MAGI1: variants seen among roughly 807,000 people sequenced by gnomAD.
MAGI1 encodes the protein membrane associated guanylate kinase, WW and PDZ domain containing 1, also known as membrane-associated guanylate kinase, WW and PDZ domain-containing protein 1.
MAGI1 carries 58 observed loss-of-function variants against 139.9 expected under a neutral mutation model. The ratio of observed to expected loss-of-function variants is 0.41; its 90% CI spans 0.34 to 0.52. MAGI1 has a LOEUF of 0.52. MAGI1 is among the 20% of genes least tolerant of loss of function. The pLI is 0.12. For synonymous variants in MAGI1, 812 were observed against 737.9 expected (o/e 1.10, Z -1.63); for missense variants, 1,874 against 1,901.6 (o/e 0.99, Z 0.27).
chr3:65,977,167 T>C (rs1290894449), intron 1 of MAGI1, among the ~76,000 whole-genome samples: 2 of 152,286 alleles, frequency 1.3e-5, no homozygotes, highest in South Asian at 2.1e-4. Flanking sequence ...CATCTCAACA[T>C]TGGAAAGGAG....
intron 2 of MAGI1, among the ~76,000 whole-genome samples, chr3:65,598,109 C>T (rs1576435131): frequency 6.6e-6 from 1 of 152,120 alleles, no homozygotes; most frequent in African/African-American, 2.4e-5. Flanking sequence ...CACATGACAA[C>T]AATTTCCATC....
intron 1 of MAGI1, among the ~76,000 whole-genome samples, chr3:65,983,838 T>C (rs2065724003): frequency 6.6e-6 from 1 of 152,210 alleles, no homozygotes; most frequent in African/African-American, 2.4e-5. Flanking sequence ...GGAATAGTGA[T>C]GGTACTCACC....
chr3:65,605,740 A>G (rs7619565), intron 2 of MAGI1, among the ~76,000 whole-genome samples: 41,258 of 152,072 alleles, frequency 0.27, 5,834 homozygotes, highest in African/African-American at 0.34. Context: ...TTATATTAGT[A>G]AAGTATACAT....
Position 65,721,095 on chromosome 3 carries a change from A to G in MAGI1, c.314-99007T>C, listed in dbSNP as rs76570740. ...TGCTGTTAACCTGTCTTGGTATGGG[A>G]TGGCCCTGCAGTGTAGCCTTCCTAG... On this transcript the variant is annotated intron_variant, in intron 1 of 22. Transcript: ENST00000402939. 2.8e-3 allele frequency among the ~76,000 whole-genome samples: 433 copies of G among 152,186 alleles called. 1 individual carries two copies. Among genetic ancestry groups the G allele is most frequent in the African/African-American group, 9.8e-3 (409 of 41,524 alleles).
In MAGI1 at chr3:65,900,329, A is replaced by G. The variant is rs144704665; in HGVS notation, c.313+137667T>C. Reference sequence around the variant, plus strand: ...CCTTCAAGATAACTTCTCACTCACTACAATGAACATGATGTGTAAGAGGTA... The same window carrying G: ...CCTTCAAGATAACTTCTCACTCACTGCAATGAACATGATGTGTAAGAGGTA... On this transcript the variant is annotated intron_variant, in intron 1 of 22. Coordinates refer to ENST00000402939, the MANE Select transcript of MAGI1 (RefSeq NM_001033057.2). 7.9e-5 allele frequency among the ~76,000 whole-genome samples: 12 copies of G among 152,340 alleles called. No homozygotes were observed. In the East Asian group the frequency reaches 2.3e-3, roughly 29 times the overall value.
rs540793973 is a variant in MAGI1 at position 65,898,463 on chromosome 3, CGT to C, written c.313+139531_313+139532del. On this transcript the variant is annotated intron_variant, in intron 1 of 22. Coordinates refer to ENST00000402939, the MANE Select transcript of MAGI1 (RefSeq NM_001033057.2). The stretch of plus-strand genomic sequence containing the variant: ...GTTCATTTGTATGTGTACATATGTA[CGT>C]GTAAAAAAATTATATACACAAATAA... Among the ~76,000 whole-genome samples the C allele has an allele frequency of 4.6e-5, 7 of 152,014 alleles. No individual in the cohort carries two copies. In the South Asian group the frequency reaches 1.5e-3, roughly 32 times the overall value.
intron 1 of MAGI1, among the ~76,000 whole-genome samples, chr3:65,879,778 C>G (rs2060253271): frequency 6.6e-6 from 1 of 152,184 alleles, no homozygotes; most frequent in African/African-American, 2.4e-5. Context: ...ACTTTACAGA[C>G]TAGGAAACCA....
intron 1 of MAGI1, among the ~76,000 whole-genome samples, chr3:65,696,992 A>C (rs2089253373): frequency 6.6e-6 from 1 of 152,232 alleles, no homozygotes; most frequent in Non-Finnish European, 1.5e-5. Context: ...CTAATAAAGA[A>C]GAAAAGAGAG....
At chr3:65,401,747 C>A in intron 12 of MAGI1, 3 of 1,437,158 alleles carry the variant, frequency 2.1e-6, no homozygotes, top group Non-Finnish European at 2.7e-6. Flanking sequence ...CAGACCTCAG[C>A]GGCCTGGGAA....
intron 1 of MAGI1, among the ~76,000 whole-genome samples, chr3:66,014,403 T>A (rs974281238): frequency 5.3e-5 from 8 of 152,236 alleles, no homozygotes; most frequent in African/African-American, 1.9e-4. Flanking sequence ...CTTACTTTTT[T>A]ATTTAATATA....
chr3:65,879,422 G>A (rs1381196432), intron 1 of MAGI1, among the ~76,000 whole-genome samples: 3 of 152,004 alleles, frequency 2.0e-5, no homozygotes, highest in African/African-American at 7.2e-5. Flanking sequence ...GAAGAAACAG[G>A]TCTCTTTAAC....
At chr3:65,359,011 T>C (rs1325191653) in intron 22 of MAGI1, 2 of 1,480,150 alleles carry the variant, frequency 1.4e-6, no homozygotes, top group African/African-American at 2.8e-5. Flanking sequence ...GCAGAAGCAA[T>C]GAGGAAATTA....
intron 3 of MAGI1, among the ~76,000 whole-genome samples, chr3:65,488,365 C>T (rs1246583941): frequency 1.3e-5 from 2 of 151,990 alleles, no homozygotes; most frequent in Non-Finnish European, 2.9e-5. Context: ...GAGACAGGGT[C>T]TCACTTTGTC....
chr3:65,362,465 C>T (rs1337261391), intron 21 of MAGI1, among the ~76,000 whole-genome samples: 1 of 152,050 alleles, frequency 6.6e-6, no homozygotes, highest in Non-Finnish European at 1.5e-5. Flanking sequence ...TGAATATATA[C>T]ATGCAAAAGA....
Position 65,361,340 on chromosome 3 carries a change from G to A in MAGI1, c.3496-3C>T, listed in dbSNP as rs895420382. Reference sequence around the variant, plus strand: ...ATCTCTAAAATTTCATCACCAATCTGCCAAAGCAAAAGAAAACTAAGTGAG... The same window carrying A: ...ATCTCTAAAATTTCATCACCAATCTACCAAAGCAAAAGAAAACTAAGTGAG... On this transcript the variant is annotated splice_region_variant and splice_polypyrimidine_tract_variant and intron_variant, in intron 21 of 22. Transcript: ENST00000402939. 1.9e-6 allele frequency: 3 copies of A among 1,612,710 alleles called. No individual in the cohort carries two copies. Among genetic ancestry groups the A allele is most frequent in the African/African-American group, 2.7e-5 (2 of 74,970 alleles).
chr3:65,726,956 C>CAAAAAAAA (rs539578446), intron 1 of MAGI1, among the ~76,000 whole-genome samples: 1 of 102,202 alleles, frequency 9.8e-6, no homozygotes, highest in African/African-American at 3.3e-5. Context: ...CTCCAAAATC[C>CAAAAAAAA]AAAAAAAAAA....
At chr3:65,732,871 T>C (rs540270508) in intron 1 of MAGI1, among the ~76,000 whole-genome samples, 9 of 152,306 alleles carry the variant, frequency 5.9e-5, no homozygotes, top group Admixed American at 4.6e-4. Flanking sequence ...CTTGAATTCA[T>C]TGATGAGAAA....
At chr3:65,979,592 G>T (rs553497287) in intron 1 of MAGI1, among the ~76,000 whole-genome samples, 1 of 152,158 alleles carries the variant, frequency 6.6e-6, no homozygotes, top group Non-Finnish European at 1.5e-5. Context: ...AGTACCCAAA[G>T]AAATGAATAT....
chr3:65,438,765 A>G (rs1322687290), intron 9 of MAGI1, among the ~76,000 whole-genome samples: 2 of 152,230 alleles, frequency 1.3e-5, no homozygotes, highest in African/African-American at 2.4e-5. Context: ...TGACATATGA[A>G]AATTACATGA....
Sources: allele counts gnomAD v4.1 joint callset (sites outside exome capture counted in the v4.1 genomes callset), GRCh38; gene constraint gnomAD v4.1.1; transcripts MANE v1.5; gene names NCBI Gene and HGNC (gene_info 2026-07-23, HGNC 2026-07-21).